The following COL4A6 variants were observed in gnomAD, a reference collection of about 807,000 sequenced individuals.
COL4A6 encodes collagen alpha-6(IV) chain.
Under a neutral mutation model 126.7 loss-of-function variants are expected in COL4A6, and 59 were observed. That is an observed-to-expected ratio of 0.47 (90% CI 0.38 to 0.58). The LOEUF (loss-of-function observed/expected upper bound fraction) is 0.58. Among genes scored for constraint, COL4A6 ranks in the 20% least tolerant of loss-of-function variants. The pLI is 0.00. For synonymous variants in COL4A6, 547 were observed against 496.6 expected, an observed-to-expected ratio of 1.10 and a Z score of -1.35; for missense variants, 1,285 against 1,337.3, an observed-to-expected ratio of 0.96 and a Z score of 0.61.
rs1347419940 is a variant in COL4A6 at position 108,187,180 on chromosome X, G to A, written c.1867C>T (p.Pro623Ser). ...AGCCCACGGGGTCCAGGAAGTCCTG[G>A]TAACCCATTTCCTGGGAGGCCAGGT... is the stretch of plus-strand genomic sequence containing the variant. ...GPPGLPGNGL[P>S]GLPGPRGLPG... Residue 623 changes from proline (P) to serine (S), a missense_variant, in exon 23 of 45, where the codon CCA becomes TCA. Pro to Ser is a moderately conservative substitution (Grantham distance 74). Coordinates refer to ENST00000334504, the MANE Select transcript of COL4A6 (RefSeq NM_033641.4). The A allele has an allele frequency of 5.0e-6, 6 of 1,195,476 alleles. No individual in the cohort carries two copies. The African/African-American group carries it at 7.1e-5, about 14-fold the overall frequency.
intron 32 of COL4A6, among the ~76,000 whole-genome samples, chrX:108,172,229 A>AGG (rs1197809956): frequency 1.8e-5 from 2 of 109,444 alleles, no homozygotes; most frequent in Non-Finnish European, 3.8e-5. Flanking sequence ...TAATGCCTGT[A>AGG]ATCCCAGCTA....
In COL4A6 at chrX:108,214,141, C is replaced by A. The variant is rs147943028; in HGVS notation, c.412G>T (p.Asp138Tyr). ...TQGAVGFPGP[D>Y]GYPGLLGPPG... ...GGTCCGAGAAGCCCAGGATAGCCAT[C>A]AGGGCCTGGAAATCCAACAGCTCCT... Residue 138 changes from aspartate (D) to tyrosine (Y), a missense_variant, in exon 6 of 45, where the codon GAT (aspartate) becomes TAT (tyrosine). Physicochemically the swap from Asp to Tyr is radical, Grantham distance 160. Coordinates refer to ENST00000334504, the MANE Select transcript of COL4A6 (RefSeq NM_033641.4). The A allele has an allele frequency of 1.7e-6, 2 of 1,209,788 alleles. No homozygotes were observed. The highest frequency in any genetic ancestry group is 3.5e-5 in the South Asian group (2 of 56,623).
intron 3 of COL4A6, among the ~76,000 whole-genome samples, chrX:108,263,859 C>T (rs2037229813): frequency 9.0e-6 from 1 of 111,444 alleles, no homozygotes; most frequent in South Asian, 3.8e-4. Context: ...AAAAGGTAGC[C>T]TGTTTGCTGA....
At chrX:108,165,917 A>G (rs770275788) in intron 37 of COL4A6, among the ~76,000 whole-genome samples, 1 of 112,883 alleles carries the variant, frequency 8.9e-6, no homozygotes, top group South Asian at 3.7e-4. Flanking sequence ...AACGTAGGCC[A>G]CAGGCCCCAG....
chrX:108,322,063 T>C (rs1422185953), intron 2 of COL4A6, among the ~76,000 whole-genome samples: 1 of 111,443 alleles, frequency 9.0e-6, no homozygotes, highest in African/African-American at 3.3e-5. Flanking sequence ...AACATCACCC[T>C]ACGTTTATGA....
chrX:108,401,371 A>G (rs2041084063), intron 2 of COL4A6, among the ~76,000 whole-genome samples: 1 of 110,898 alleles, frequency 9.0e-6, no homozygotes, highest in Non-Finnish European at 1.9e-5. Context: ...GTAAAATATA[A>G]TATCTATTTA....
chrX:108,194,135 T>C (rs1163111580), intron 16 of COL4A6, among the ~76,000 whole-genome samples: 2 of 112,519 alleles, frequency 1.8e-5, no homozygotes, highest in Non-Finnish European at 3.8e-5. Context: ...AAGAGGGATT[T>C]AGGTACCAAA....
intron 44 of COL4A6, among the ~76,000 whole-genome samples, chrX:108,159,117 G>A (rs1569319842): frequency 9.0e-6 from 1 of 111,675 alleles, no homozygotes; most frequent in African/African-American, 3.3e-5. Flanking sequence ...CTGGCCCCAA[G>A]TGGTGACAGC....
intron 2 of COL4A6, among the ~76,000 whole-genome samples, chrX:108,427,879 G>C (rs767969648): frequency 3.1e-3 from 346 of 112,224 alleles, no homozygotes; most frequent in Non-Finnish European, 5.2e-3. Flanking sequence ...TGTGACCTTA[G>C]ATAAATCAGT....
At chrX:108,306,964 A>AAAC (rs1461514719) in intron 3 of COL4A6, among the ~76,000 whole-genome samples, 2 of 110,706 alleles carry the variant, frequency 1.8e-5, no homozygotes, top group Non-Finnish European at 3.8e-5. Flanking sequence ...AGAAGAAAAC[A>AAAC]AACTGCCCCC....
chrX:108,159,607 C>T lies in COL4A6; in HGVS notation c.4667G>A (p.Ser1556Asn), dbSNP rs1220767535. 5.8e-6 allele frequency: 7 copies of T among 1,212,243 alleles called. No homozygotes were observed. In the Admixed American group the frequency reaches 1.5e-4, roughly 26 times the overall value. The change falls in exon 44 of 45, where the codon AGC becomes AAC. Residue 1556 changes from serine (S) to asparagine (N), a missense_variant. Ser to Asn is a conservative substitution (Grantham distance 46). Coordinates refer to ENST00000334504, the MANE Select transcript of COL4A6 (RefSeq NM_033641.4). ...GATGTACTGGGGAATCTGGGTCTGG[C>T]TGACGGGCATCATGGGGATAGGGGC... is the stretch of plus-strand genomic sequence containing the variant. ...TTAPIPMMPV[S>N]QTQIPQYISR...
chrX:108,264,158 G>A (rs1002971490), intron 3 of COL4A6, among the ~76,000 whole-genome samples: 1 of 111,389 alleles, frequency 9.0e-6, no homozygotes, highest in Non-Finnish European at 1.9e-5. Context: ...CCGGAGGTGG[G>A]TGCAATAGAG....
At chrX:108,182,326 T>G (rs191253014) in intron 23 of COL4A6, among the ~76,000 whole-genome samples, 286 of 112,454 alleles carry the variant, frequency 2.5e-3, no homozygotes, top group Non-Finnish European at 4.1e-3. Context: ...TTATCTTATG[T>G]AAGAATGAGT....
At chrX:108,265,836 G>A (rs2037287206) in intron 3 of COL4A6, among the ~76,000 whole-genome samples, 1 of 110,964 alleles carries the variant, frequency 9.0e-6, no homozygotes, top group South Asian at 3.8e-4. Flanking sequence ...CTATGATGAA[G>A]AGTTTGGACT....
chrX:108,354,810 G>A (rs5012329), intron 2 of COL4A6, among the ~76,000 whole-genome samples: 40,350 of 109,300 alleles, frequency 0.37, 6,732 homozygotes, highest in East Asian at 0.72. Context: ...CCACCTTGAA[G>A]TCACCAAACA....
chrX:108,251,207 G>A (rs1302517570), intron 3 of COL4A6, among the ~76,000 whole-genome samples: 1 of 111,708 alleles, frequency 9.0e-6, no homozygotes, highest in Non-Finnish European at 1.9e-5. Context: ...ATGGGAGAAT[G>A]AAAACATCTT....
intron 2 of COL4A6, among the ~76,000 whole-genome samples, chrX:108,361,701 G>A (rs1323667666): frequency 3.6e-5 from 4 of 111,793 alleles, no homozygotes; most frequent in African/African-American, 1.3e-4. Flanking sequence ...GGGAGCAACA[G>A]GCATGCCCAT....
At chrX:108,247,978 T>C (rs1412487197) in intron 3 of COL4A6, among the ~76,000 whole-genome samples, 1 of 111,518 alleles carries the variant, frequency 9.0e-6, no homozygotes, top group Non-Finnish European at 1.9e-5. Context: ...TGTGCATACA[T>C]TTCTGAGGAG....
intron 3 of COL4A6, among the ~76,000 whole-genome samples, chrX:108,282,867 A>G (rs148974604): frequency 3.7e-3 from 406 of 109,109 alleles, no homozygotes; most frequent in African/African-American, 0.013. Context: ...TGAAATTGGA[A>G]ATTGTTATTC....
Sources: gnomAD v4.1 joint callset for allele counts (sites outside exome capture counted in the v4.1 genomes callset) on GRCh38, gnomAD v4.1.1 for gene constraint, MANE v1.5 for transcripts, NCBI Gene and HGNC (gene_info 2026-07-23, HGNC 2026-07-21) for gene names.